The following RYR3 variants were observed in gnomAD, a reference collection of about 807,000 sequenced individuals.
The protein encoded by RYR3 is brain ryanodine receptor-calcium release channel.
A neutral mutation model predicts 584.3 loss-of-function variants in RYR3; 207 were observed. The observed-to-expected ratio is 0.35, with a 90% confidence interval of 0.32 to 0.40. RYR3 has a LOEUF of 0.40. Among genes scored for constraint, RYR3 ranks in the 10% least tolerant of loss-of-function variants. The pLI, the probability that RYR3 is intolerant of heterozygous loss-of-function variation, is 1.00. For synonymous variants in RYR3, 2,416 were observed against 2,248.5 expected (o/e 1.07, Z -2.11); for missense variants, 5,616 against 6,089.2 (o/e 0.92, Z 2.59).
Position 33,660,172 on chromosome 15 carries a change from C to T in RYR3, c.4396-25C>T, listed in dbSNP as rs1276909952. The stretch of plus-strand genomic sequence containing the variant: ...CATCCAGCAACTGTGTGTTTCTTTT[C>T]CAATGCCTTTCCCACGTGCCCCAGA... On this transcript the variant is annotated intron_variant, in intron 33 of 103. Transcript: ENST00000634891. 1.3e-5 allele frequency: 20 copies of T among 1,504,764 alleles called. 1 individual carries two copies. The highest frequency in any genetic ancestry group is 1.7e-5 in the Non-Finnish European group (19 of 1,105,342). The allele number at this position is 1,504,764 out of a possible 1,614,324, so 93.2% of individuals were successfully genotyped here.
chr15:33,791,048 T>A (rs1208613682), intron 67 of RYR3, among the ~76,000 whole-genome samples: 1 of 152,186 alleles, frequency 6.6e-6, no homozygotes, highest in African/African-American at 2.4e-5. Flanking sequence ...ATAAAAAGCC[T>A]CTTTGGAATG....
At chr15:33,576,959 C>A (rs2058330623) in intron 12 of RYR3, among the ~76,000 whole-genome samples, 1 of 152,138 alleles carries the variant, frequency 6.6e-6, no homozygotes, top group Non-Finnish European at 1.5e-5. Flanking sequence ...CACAAGCATT[C>A]CTAAACACCA....
At chr15:33,840,739 C>A in intron 89 of RYR3, 86 bp from the exon 90 acceptor site, 1 of 1,260,144 alleles carries the variant, frequency 7.9e-7, no homozygotes, top group Non-Finnish European at 1.1e-6. Context: ...AAATTTGTGA[C>A]CAAGAAGCAA....
At chr15:33,546,079 G>T (rs2056215949) in intron 8 of RYR3, among the ~76,000 whole-genome samples, 1 of 152,144 alleles carries the variant, frequency 6.6e-6, no homozygotes, top group Non-Finnish European at 1.5e-5. Flanking sequence ...CCTCTCCTTG[G>T]AATTGTTTTA....
Position 33,860,671 on chromosome 15 carries a change from C to G in RYR3, c.14364+12C>G. The G allele has an allele frequency of 6.4e-7, 1 of 1,551,634 alleles. No homozygotes were observed. The highest frequency in any genetic ancestry group is 1.8e-5 in the Admixed American group (1 of 55,196). On this transcript the variant is annotated intron_variant, in intron 101 of 103. Transcript: ENST00000634891. ...GAGAAGATATGGAGGTAATGTTACT[C>G]TAACTACTAATCCCAGCTCTATTTT... is the stretch of plus-strand genomic sequence containing the variant.
intron 16 of RYR3, among the ~76,000 whole-genome samples, chr15:33,586,492 G>A (rs1303871389): frequency 2.0e-5 from 3 of 152,172 alleles, no homozygotes; most frequent in Non-Finnish European, 4.4e-5. Flanking sequence ...GAAAAGGTAT[G>A]AAGAAATCAG....
intron 52 of RYR3, among the ~76,000 whole-genome samples, chr15:33,743,210 C>T (rs2070341391): frequency 6.6e-6 from 1 of 152,206 alleles, no homozygotes; most frequent in African/African-American, 2.4e-5. Flanking sequence ...ACCACCAGCT[C>T]AGCCTCTGTG....
chr15:33,435,387 T>C (rs1432499924), intron 1 of RYR3, among the ~76,000 whole-genome samples: 4 of 152,222 alleles, frequency 2.6e-5, no homozygotes, highest in African/African-American at 7.2e-5. Context: ...TTTCAGCTAC[T>C]CTGTGGCATT....
At position 33,826,280 on chromosome 15, in the gene RYR3, G is replaced by A; in HGVS notation, c.11164+11G>A. On this transcript the variant is annotated intron_variant, in intron 83 of 103. Transcript: ENST00000634891. ...TTGTTCGGGAACGTGGTAAGTTTCA[G>A]TTTCTGGCCTGAGTTCCTACCGTGT... 1 of 1,613,592 alleles carries A rather than the reference G, an allele frequency of 6.2e-7. No homozygotes were observed. The highest frequency in any genetic ancestry group is 8.5e-7 in the Non-Finnish European group (1 of 1,179,564).
At chr15:33,752,305 A>G (rs1323632477) in intron 57 of RYR3, among the ~76,000 whole-genome samples, 9 of 152,216 alleles carry the variant, frequency 5.9e-5, no homozygotes, top group Non-Finnish European at 1.3e-4. Flanking sequence ...CATTGAATCT[A>G]TAAATGACTT....
Position 33,311,892 on chromosome 15 carries a change from C to T in RYR3, c.51+796C>T, listed in dbSNP as rs561677330. ...CGAAGTCTGTTGCAGCCACACCAGC[C>T]TTGCCCTGTAGGAGATAATACAAAG... On this transcript the variant is annotated intron_variant, in intron 1 of 103. Transcript: ENST00000634891. The surrounding 1 kb of genome is among the most constrained non-coding windows in gnomAD (Gnocchi z 4.4). Among the ~76,000 whole-genome samples, 2 of 152,316 alleles carry T rather than the reference C, an allele frequency of 1.3e-5. No homozygotes were observed. The highest frequency in any genetic ancestry group is 4.8e-5 in the African/African-American group (2 of 41,584).
At chr15:33,743,281 A>G (rs1160353293) in intron 52 of RYR3, among the ~76,000 whole-genome samples, 4 of 152,212 alleles carry the variant, frequency 2.6e-5, no homozygotes, top group Non-Finnish European at 4.4e-5. Flanking sequence ...AACAGCTATC[A>G]TTGTAACTGT....
rs565975266 is a variant in RYR3 at position 33,647,371 on chromosome 15, G to A, written c.3942-53G>A. On this transcript the variant is annotated intron_variant, in intron 29 of 103. Transcript: ENST00000634891. ...GTAGATCAAGTTGCCTGTCGGAACT[G>A]TGGGATTCTCAATACAGCTGAATAA... is the stretch of plus-strand genomic sequence containing the variant. The A allele has an allele frequency of 2.5e-5, 36 of 1,465,058 alleles. No homozygotes were observed. The Middle Eastern group carries it at 5.2e-4, about 21-fold the overall frequency. 90.8% of individuals were successfully genotyped at this position (1,465,058 alleles called of 1,614,324 possible).
At chr15:33,677,202 G>T (rs1324618778) in intron 38 of RYR3, among the ~76,000 whole-genome samples, 1 of 152,210 alleles carries the variant, frequency 6.6e-6, no homozygotes, top group Non-Finnish European at 1.5e-5. Context: ...ACCGGGCAGG[G>T]ATGCCTGGAA....
chr15:33,395,264 A>G (rs1330713881), intron 1 of RYR3, among the ~76,000 whole-genome samples: 1 of 152,244 alleles, frequency 6.6e-6, no homozygotes, highest in East Asian at 1.9e-4. Flanking sequence ...ACGTAGCTGG[A>G]GCCTTTTCCT....
At chr15:33,393,948 C>T (rs1232107544) in intron 1 of RYR3, among the ~76,000 whole-genome samples, 4 of 152,202 alleles carry the variant, frequency 2.6e-5, no homozygotes, top group Non-Finnish European at 4.4e-5. Context: ...TAGATGTTGA[C>T]ATCCCCTTTT....
At chr15:33,595,861 C>T (rs181558412) in intron 16 of RYR3, among the ~76,000 whole-genome samples, 66 of 151,896 alleles carry the variant, frequency 4.3e-4, no homozygotes, top group African/African-American at 1.6e-3. Flanking sequence ...CTAAGCAAAC[C>T]AAAACTTCAT....
chr15:33,734,983 G>T (rs1182205802), intron 48 of RYR3, among the ~76,000 whole-genome samples: 3 of 151,416 alleles, frequency 2.0e-5, no homozygotes, highest in South Asian at 4.2e-4. Flanking sequence ...GAGCCACCGC[G>T]CCTGGCCGAG....
At position 33,603,115 on chromosome 15, in the gene RYR3, A is replaced by G. The variant is rs2059752487; in HGVS notation, c.1923-8A>G. On this transcript the variant is annotated splice_polypyrimidine_tract_variant and splice_region_variant and intron_variant, in intron 17 of 103. Coordinates refer to ENST00000634891, the MANE Select transcript of RYR3 (RefSeq NM_001036.6). ...GTGTAGATGCCACTTGCCCATGTTT[A>G]CTTTCAGTATCCGGCCAAACATCTT... The G allele has an allele frequency of 6.2e-7, 1 of 1,611,992 alleles. No homozygotes were observed. Among genetic ancestry groups the G allele is most frequent in the Non-Finnish European group, 8.5e-7 (1 of 1,179,080 alleles).
Sources: allele counts gnomAD v4.1 joint callset (sites outside exome capture counted in the v4.1 genomes callset), GRCh38; gene constraint gnomAD v4.1.1; non-coding constraint Gnocchi (gnomAD v3.1); transcripts MANE v1.5; gene names NCBI Gene and HGNC (gene_info 2026-07-23, HGNC 2026-07-21).